The following MYO9B variants were observed in gnomAD, a reference collection of about 807,000 sequenced individuals.
The protein encoded by MYO9B is myosin IXB.
A neutral mutation model predicts 229.5 loss-of-function variants in MYO9B; 71 were observed. The observed-to-expected ratio is 0.31, with a 90% CI of 0.26 to 0.38. The LOEUF (loss-of-function observed/expected upper bound fraction) is 0.38. MYO9B is among the 10% of genes least tolerant of loss of function. The pLI, the probability that MYO9B is intolerant of heterozygous loss-of-function variation, is 1.00. For synonymous variants in MYO9B, 1,185 were observed against 1,235.8 expected (o/e 0.96, Z 0.86); for missense variants, 2,255 against 2,920.5 (o/e 0.77, Z 5.25).
chr19:17,165,575 TA>T lies in MYO9B; in HGVS notation c.1672-2356del, dbSNP rs533883420. On this transcript the variant is annotated intron_variant, in intron 10 of 39. Coordinates refer to ENST00000682292, the MANE Select transcript of MYO9B (RefSeq NM_004145.4). ...GGGCAACAGAGTAAGACCCTGTCTCTAAAAAAAAAAAATTTGAGATGGAGTT... is the reference window on the plus strand; with the variant it reads ...GGGCAACAGAGTAAGACCCTGTCTCTAAAAAAAAAAATTTGAGATGGAGTT... 7.4e-3 allele frequency among the ~76,000 whole-genome samples: 1,066 copies of T among 143,868 alleles called. 4 individuals are homozygous for T. The highest frequency in any genetic ancestry group is 9.5e-3 in the Non-Finnish European group (619 of 65,366). The allele number at this position is 143,868 out of a possible 152,430, so 94.4% of individuals were successfully genotyped here.
chr19:17,092,345 G>A (rs187279256), intron 1 of MYO9B, among the ~76,000 whole-genome samples: 3 of 152,374 alleles, frequency 2.0e-5, no homozygotes, highest in Non-Finnish European at 2.9e-5. Flanking sequence ...CCCAGGCCTC[G>A]CTGTGTGCAC....
At chr19:17,107,952 C>A (rs1323762301) in intron 2 of MYO9B, among the ~76,000 whole-genome samples, 1 of 152,212 alleles carries the variant, frequency 6.6e-6, no homozygotes, top group Non-Finnish European at 1.5e-5. Flanking sequence ...TACAGCCCCA[C>A]CTGGTCTGCT....
At chr19:17,139,941 T>C (rs1217009062) in intron 2 of MYO9B, among the ~76,000 whole-genome samples, 1 of 151,728 alleles carries the variant, frequency 6.6e-6, no homozygotes, top group Non-Finnish European at 1.5e-5. Flanking sequence ...TTCGGGATGC[T>C]GAGGCAGGGG....
At chr19:17,126,273 C>T (rs1030468375) in intron 2 of MYO9B, among the ~76,000 whole-genome samples, 2 of 152,192 alleles carry the variant, frequency 1.3e-5, no homozygotes, top group Non-Finnish European at 2.9e-5. Flanking sequence ...CCTGTGGACC[C>T]ATTTTGTCCT....
chr19:17,090,118 C>CTTTTTTTTTTTTTTTT lies in MYO9B; in HGVS notation c.-58-11514_-58-11499dup, dbSNP rs59440394. ...TATAGCATGAATCGGTGCTTCCTTC[C>CTTTTTTTTTTTTTTTT]TTTTTTTTTTTTTTTTTTTTTTTTT... On this transcript the variant is annotated intron_variant, in intron 1 of 39. Transcript: ENST00000682292. 1.0e-4 allele frequency among the ~76,000 whole-genome samples: 5 copies of CTTTTTTTTTTTTTTTT among 49,234 alleles called. 2 individuals are homozygous for CTTTTTTTTTTTTTTTT. Among genetic ancestry groups the CTTTTTTTTTTTTTTTT allele is most frequent in the Non-Finnish European group, 1.9e-4 (5 of 26,926 alleles). 32.3% of individuals were successfully genotyped at this position (49,234 alleles called of 152,430 possible).
intron 6 of MYO9B, among the ~76,000 whole-genome samples, chr19:17,155,350 G>A (rs1423383734): frequency 6.6e-6 from 1 of 151,878 alleles, no homozygotes; most frequent in Non-Finnish European, 1.5e-5. Flanking sequence ...CACCACACCT[G>A]GACAATTTTT....
At chr19:17,098,877 A>G (rs1406877009) in intron 1 of MYO9B, among the ~76,000 whole-genome samples, 1 of 150,230 alleles carries the variant, frequency 6.7e-6, no homozygotes, top group Non-Finnish European at 1.5e-5. Context: ...TCAAGTCTGC[A>G]GTGAGCCGTG....
At chr19:17,099,945 C>G (rs2057728922) in intron 1 of MYO9B, among the ~76,000 whole-genome samples, 1 of 151,398 alleles carries the variant, frequency 6.6e-6, no homozygotes, top group Non-Finnish European at 1.5e-5. Context: ...TAGTGAAACC[C>G]TGTCTATGCT....
Position 17,205,218 on chromosome 19 carries a change from G to C in MYO9B, c.4991-45G>C, listed in dbSNP as rs748828458. ...CTGGGTGGGTGGCTGCAGGAATCTG[G>C]GGTCCCCAGCACCCTCTGTGACTCC... On this transcript the variant is annotated intron_variant, in intron 30 of 39. Coordinates refer to ENST00000682292, the MANE Select transcript of MYO9B (RefSeq NM_004145.4). The C allele has an allele frequency of 5.1e-6, 8 of 1,561,100 alleles. No individual in the cohort carries two copies. In the African/African-American group the frequency reaches 1.1e-4, roughly 21 times the overall value.
intron 2 of MYO9B, among the ~76,000 whole-genome samples, chr19:17,144,105 A>C: frequency 6.7e-6 from 1 of 149,328 alleles, no homozygotes; most frequent in Admixed American, 6.7e-5. Context: ...GGTCGCAGCT[A>C]CTTGGGAGGC....
intron 19 of MYO9B, 121 bp downstream of exon 19, chr19:17,188,166 C>G (rs1158117275): frequency 1.3e-6 from 1 of 784,352 alleles, no homozygotes; most frequent in Admixed American, 2.3e-5. Context: ...CAGTGGCTCA[C>G]GCCTGTAATC....
At chr19:17,152,572 A>G in intron 3 of MYO9B, 72 bp from the exon 4 acceptor site, 14 of 1,408,192 alleles carry the variant, frequency 9.9e-6, no homozygotes, top group Non-Finnish European at 1.4e-5. Flanking sequence ...TCAAAAAAAA[A>G]AAAAACAACT....
intron 13 of MYO9B, among the ~76,000 whole-genome samples, chr19:17,173,371 C>A (rs7507388): frequency 0.064 from 9,297 of 144,538 alleles, 376 homozygotes; most frequent in Non-Finnish European, 0.095. Context: ...ATGACGCAAT[C>A]TCGGCTCACT....
At chr19:17,086,137 T>C (rs1373486429) in intron 1 of MYO9B, among the ~76,000 whole-genome samples, 2 of 152,168 alleles carry the variant, frequency 1.3e-5, no homozygotes, top group East Asian at 1.9e-4. Flanking sequence ...GTCCCTCTGG[T>C]CCTGGTGCCC....
intron 14 of MYO9B, among the ~76,000 whole-genome samples, chr19:17,179,028 A>C (rs979321654): frequency 9.8e-6 from 1 of 102,180 alleles, no homozygotes; most frequent in African/African-American, 5.4e-5. Flanking sequence ...AAGACTCTGT[A>C]AAAAAAAAAA....
chr19:17,122,676 G>A (rs1407744974), intron 2 of MYO9B, among the ~76,000 whole-genome samples: 1 of 152,226 alleles, frequency 6.6e-6, no homozygotes, highest in Non-Finnish European at 1.5e-5. Context: ...TTGAGCCCAG[G>A]AGTTTGGGAC....
At chr19:17,117,677 C>G (rs2057918194) in intron 2 of MYO9B, among the ~76,000 whole-genome samples, 1 of 152,120 alleles carries the variant, frequency 6.6e-6, no homozygotes, top group African/African-American at 2.4e-5. Flanking sequence ...GTGGCTCACG[C>G]CTGTAAGCCC....
At chr19:17,163,372 C>CTT (rs3031315) in intron 10 of MYO9B, among the ~76,000 whole-genome samples, 20,437 of 92,178 alleles carry the variant, frequency 0.22, 3,216 homozygotes, top group East Asian at 0.28. Flanking sequence ...CCCCATTCCA[C>CTT]TTTTTTTTTT....
chr19:17,167,890 A>C lies in MYO9B; in HGVS notation c.1672-53A>C, dbSNP rs1056604415. ...CCTGTATGCAATATATGTTATGTAG[A>C]TATTACATATCTGGGAGATAAGAAA... On this transcript the variant is annotated intron_variant, in intron 10 of 39. Coordinates refer to ENST00000682292, the MANE Select transcript of MYO9B (RefSeq NM_004145.4). The C allele has an allele frequency of 3.2e-6, 5 of 1,547,816 alleles. No individual in the cohort carries two copies. The African/African-American group carries it at 4.1e-5, about 13-fold the overall frequency.
Sources: allele counts gnomAD v4.1 joint callset (sites outside exome capture counted in the v4.1 genomes callset), GRCh38; gene constraint gnomAD v4.1.1; transcripts MANE v1.5; gene names NCBI Gene and HGNC (gene_info 2026-07-23, HGNC 2026-07-21).